PKP4: variants seen among roughly 807,000 people sequenced by gnomAD.
The protein encoded by PKP4 is plakophilin 4, also known as plakophilin-4.
In PKP4, 90 loss-of-function variants were observed where a neutral mutation model predicts 145.1. The ratio of observed to expected loss-of-function variants is 0.62; its 90% CI spans 0.52 to 0.74. PKP4 has a LOEUF of 0.74. PKP4 is among the 30% of genes least tolerant of loss of function. PKP4 has a pLI of 0.00. For missense variants in PKP4, 1,340 were observed against 1,482.7 expected, an observed-to-expected ratio of 0.90 and a Z score of 1.58; for synonymous variants, 563 against 577.2, an observed-to-expected ratio of 0.98 and a Z score of 0.35.
intron 3 of PKP4, among the ~76,000 whole-genome samples, chr2:158,581,468 TG>T (rs1488217660): frequency 1.4e-4 from 22 of 152,358 alleles, no homozygotes; most frequent in African/African-American, 5.3e-4. Context: ...GAAAAGCATT[TG>T]TTTTTATTTA....
chr2:158,600,468 T>G lies in PKP4; in HGVS notation c.246-2602T>G, dbSNP rs2105843644. ...TTGAGGAAGTGTTTCTAGGAATAGA[T>G]GGTTGGAGGGAGAGAAGGAGGAAAT... On this transcript the variant is annotated intron_variant, in intron 3 of 21. Transcript: ENST00000389759. Among the ~76,000 whole-genome samples, 2 of 152,282 alleles carry G rather than the reference T, an allele frequency of 1.3e-5. 1 individual carries two copies. The highest frequency in any genetic ancestry group is 4.1e-4 in the South Asian group (2 of 4,822).
intron 1 of PKP4, among the ~76,000 whole-genome samples, chr2:158,502,643 C>T (rs1000569623): frequency 3.3e-5 from 5 of 152,168 alleles, no homozygotes; most frequent in Non-Finnish European, 5.9e-5. Context: ...AGTCCTGTAG[C>T]ACAACTAGTC....
intron 1 of PKP4, among the ~76,000 whole-genome samples, chr2:158,493,849 C>T (rs1695299600): frequency 6.6e-6 from 1 of 152,152 alleles, no homozygotes; most frequent in African/African-American, 2.4e-5. Flanking sequence ...CTCTCCTCTT[C>T]CCTCACTCTC....
intron 17 of PKP4, among the ~76,000 whole-genome samples, chr2:158,673,307 C>T (rs920693894): frequency 1.3e-5 from 2 of 152,182 alleles, no homozygotes; most frequent in Non-Finnish European, 2.9e-5. Flanking sequence ...TCTCCAGACA[C>T]TCAGAATGTA....
rs181876451 is a variant in PKP4, at chr2:158,533,357, A to T, written c.132+41A>T. On this transcript the variant is annotated intron_variant, in intron 2 of 21. Coordinates refer to ENST00000389759, the MANE Select transcript of PKP4 (RefSeq NM_003628.6). ...GAAAGTTGCAGTGAATTATTTCTTTAATGCCTTTAAAAAATTAATCTTTGG... is the reference window on the plus strand; with the variant it reads ...GAAAGTTGCAGTGAATTATTTCTTTTATGCCTTTAAAAAATTAATCTTTGG... The T allele has an allele frequency of 1.6e-3, 2,601 of 1,605,940 alleles. 6 individuals are homozygous for T. Among genetic ancestry groups the T allele is most frequent in the Middle Eastern group, 9.6e-3 (58 of 6,036 alleles).
At chr2:158,530,105 A>G (rs777406382) in intron 1 of PKP4, among the ~76,000 whole-genome samples, 2 of 152,278 alleles carry the variant, frequency 1.3e-5, no homozygotes, top group East Asian at 1.9e-4. Context: ...ACGCCCCACT[A>G]GAGTTTGGGC....
chr2:158,680,307 T>A, intron 21 of PKP4, 122 bp from the exon 22 acceptor site: 1 of 772,152 alleles, frequency 1.3e-6, no homozygotes, highest in Non-Finnish European at 2.1e-6. Context: ...GCTTTTAACC[T>A]TAAACTGCAA....
intron 1 of PKP4, among the ~76,000 whole-genome samples, chr2:158,526,222 GC>G (rs2042924032): frequency 8.9e-6 from 1 of 112,316 alleles, no homozygotes; most frequent in Non-Finnish European, 1.9e-5. Flanking sequence ...GAACATTGAT[GC>G]AAAAATCCTC....
At chr2:158,506,528 T>A (rs6437185) in intron 1 of PKP4, among the ~76,000 whole-genome samples, 133,158 of 152,196 alleles carry the variant, frequency 0.87, 58,540 homozygotes, top group Middle Eastern at 0.93. Flanking sequence ...TGTGTCAAAG[T>A]CCTCAGGGCT....
intron 4 of PKP4, among the ~76,000 whole-genome samples, chr2:158,606,675 A>C (rs1212193970): frequency 6.6e-6 from 1 of 152,240 alleles, no homozygotes; most frequent in Admixed American, 6.5e-5. Context: ...AATGGGGAAC[A>C]TACTGTATAT....
intron 2 of PKP4, among the ~76,000 whole-genome samples, chr2:158,570,900 A>G (rs1175202351): frequency 6.6e-6 from 1 of 152,240 alleles, no homozygotes; most frequent in Non-Finnish European, 1.5e-5. Context: ...TCAACAAGAT[A>G]TGTTCTCAGA....
At chr2:158,466,045 C>A (rs1388120233) in intron 1 of PKP4, among the ~76,000 whole-genome samples, 1 of 152,216 alleles carries the variant, frequency 6.6e-6, no homozygotes, top group African/African-American at 2.4e-5. Context: ...CATAAATCTC[C>A]CGTCCTGTAG....
intron 1 of PKP4, among the ~76,000 whole-genome samples, chr2:158,501,287 A>G (rs1696524077): frequency 6.6e-6 from 1 of 152,192 alleles, no homozygotes; most frequent in Non-Finnish European, 1.5e-5. Flanking sequence ...AATATACCCC[A>G]ACATTTATTG....
intron 1 of PKP4, among the ~76,000 whole-genome samples, chr2:158,502,914 G>A (rs867217292): frequency 4.6e-5 from 7 of 152,290 alleles, no homozygotes; most frequent in South Asian, 4.1e-4. Context: ...ACAAATCCTC[G>A]AGACTTTCTG....
chr2:158,554,677 A>G (rs995548937), intron 2 of PKP4, among the ~76,000 whole-genome samples: 9 of 152,108 alleles, frequency 5.9e-5, no homozygotes, highest in Admixed American at 2.0e-4. Context: ...CGCCTGCGTC[A>G]GCCTCCCAAA....
intron 19 of PKP4, among the ~76,000 whole-genome samples, chr2:158,675,895 A>G (rs755068447): frequency 6.6e-6 from 1 of 152,212 alleles, no homozygotes; most frequent in Non-Finnish European, 1.5e-5. Context: ...TTTCGAGTGT[A>G]TCAAGTGAAT....
chr2:158,563,541 A>T (rs1469930828), intron 2 of PKP4, among the ~76,000 whole-genome samples: 1 of 152,112 alleles, frequency 6.6e-6, no homozygotes, highest in Admixed American at 6.5e-5. Context: ...CTTTCTAGCA[A>T]TTGCATGGAA....
At position 158,557,520 on chromosome 2, in the gene PKP4, C is replaced by T. The variant is rs1181335920; in HGVS notation, c.133-19751C>T. ...AAAATGTTGCTGTTCTTAAATCCAG[C>T]TAAGTACATGCTATTTTAAAACACA... On this transcript the variant is annotated intron_variant, in intron 2 of 21. Transcript: ENST00000389759. Among the ~76,000 whole-genome samples, 3 of 152,174 alleles carry T rather than the reference C, an allele frequency of 2.0e-5. No homozygotes were observed. The East Asian group carries it at 5.8e-4, about 29-fold the overall frequency.
intron 2 of PKP4, among the ~76,000 whole-genome samples, chr2:158,570,231 C>T (rs1157008778): frequency 2.0e-5 from 3 of 152,098 alleles, no homozygotes; most frequent in African/African-American, 7.2e-5. Context: ...TTTGCACCAG[C>T]CTAGGTTACA....
Sources: allele counts gnomAD v4.1 joint callset (sites outside exome capture counted in the v4.1 genomes callset), GRCh38; gene constraint gnomAD v4.1.1; transcripts MANE v1.5; gene names NCBI Gene and HGNC (gene_info 2026-07-23, HGNC 2026-07-21).